The following TOP1 variants were observed in gnomAD, a reference collection of about 807,000 sequenced individuals.
TOP1 encodes the protein DNA topoisomerase 1.
Under a neutral mutation model 111.1 loss-of-function variants are expected in TOP1, and 10 were observed. The observed-to-expected ratio is 0.09, with a 90% confidence interval of 0.06 to 0.15. The LOEUF (loss-of-function observed/expected upper bound fraction) is 0.15, where lower values mean the gene tolerates loss of function less well. Ranked by LOEUF, TOP1 falls within the 10% of genes least tolerant of loss-of-function variation. TOP1 has a pLI of 1.00. For synonymous variants in TOP1, 271 were observed against 302.9 expected, an observed-to-expected ratio of 0.89 and a Z score of 1.10; for missense variants, 474 against 926.7, an observed-to-expected ratio of 0.51 and a Z score of 6.34.
intron 4 of TOP1, among the ~76,000 whole-genome samples, chr20:41,076,722 A>G (rs2033731733): frequency 6.6e-6 from 1 of 152,224 alleles, no homozygotes; most frequent in Non-Finnish European, 1.5e-5. Context: ...CTGAGAATGA[A>G]TAGTACTCTG....
At position 41,034,747 on chromosome 20, in the gene TOP1, G is replaced by A. The variant is rs183356312; in HGVS notation, c.58+5292G>A. ...TGCATATCTCTGGAGTATATAGATC[G>A]TAATATCAACTTTGGCTATCTGTAT... On this transcript the variant is annotated intron_variant, in intron 2 of 20. Coordinates refer to ENST00000361337, the MANE Select transcript of TOP1 (RefSeq NM_003286.4). The surrounding 1 kb of genome is among the most constrained non-coding windows in gnomAD (Gnocchi z 4.0). Among the ~76,000 whole-genome samples the A allele has an allele frequency of 1.5e-4, 23 of 152,250 alleles. No individual in the cohort carries two copies. The highest frequency in any genetic ancestry group is 7.8e-4 in the Admixed American group (12 of 15,304).
intron 6 of TOP1, 135 bp from the exon 7 acceptor site, chr20:41,081,030 G>T: frequency 1.5e-6 from 1 of 662,730 alleles, no homozygotes; most frequent in Non-Finnish European, 2.4e-6. Context: ...TGTTAGTCTT[G>T]ACCGTAGAAT....
Position 41,082,565 on chromosome 20 carries a change from G to C in TOP1, c.507+1325G>C, listed in dbSNP as rs2033800676. Among the ~76,000 whole-genome samples, 1 of 152,204 alleles carries C rather than the reference G, an allele frequency of 6.6e-6. No individual in the cohort carries two copies. The highest frequency in any genetic ancestry group is 1.5e-5 in the Non-Finnish European group (1 of 68,028). ...CTTTGCTGATGCTCTAATTCTGCAA[G>C]GAGGGAGAAGAAAGGTCTTTAATGA... is the stretch of plus-strand genomic sequence containing the variant. On this transcript the variant is annotated intron_variant, in intron 7 of 20. Coordinates refer to ENST00000361337, the MANE Select transcript of TOP1 (RefSeq NM_003286.4). This position sits in a 1 kb window ranked among gnomAD's most constrained non-coding sequence, Gnocchi z 4.1.
rs59200685 is a variant in TOP1, at chr20:41,089,020, C to CTTTT, written c.615-3433_615-3430dup. Among the ~76,000 whole-genome samples the CTTTT allele has an allele frequency of 9.6e-4, 75 of 77,894 alleles. 10 individuals are homozygous for CTTTT. Among genetic ancestry groups the CTTTT allele is most frequent in the African/African-American group, 2.0e-3 (31 of 15,820 alleles). The allele number at this position is 77,894 out of a possible 152,430, so 51.1% of individuals were successfully genotyped here. ...TCCCCACTTCTCTGTTGCCCCAGTT[C>CTTTT]TTTTTTTTTTTTTTTTTTTTTTGAG... On this transcript the variant is annotated intron_variant, in intron 8 of 20. Transcript: ENST00000361337.
Position 41,098,329 on chromosome 20 carries a change from G to A in TOP1, c.967G>A (p.Glu323Lys), listed in dbSNP as rs780523652. The A allele has an allele frequency of 6.2e-7, 1 of 1,613,592 alleles. No homozygotes were observed. Among genetic ancestry groups the A allele is most frequent in the Admixed American group, 1.7e-5 (1 of 59,916 alleles). Residue 323 changes from glutamate to lysine, a missense_variant, in exon 11 of 21, where the codon GAG becomes AAG. Glu to Lys is a moderately conservative substitution (Grantham distance 56, BLOSUM62 1). This residue lies in a region of TOP1 where 84 missense variants were observed against 119.2 expected (regional missense o/e 0.70). Transcript: ENST00000361337. This position sits in a 1 kb window ranked among gnomAD's most constrained non-coding sequence, Gnocchi z 5.7. The stretch of plus-strand genomic sequence containing the variant: ...AGCTCGGAAACAGATGAGCAAGGAA[G>A]AGAAACTGGTACTACAGAATTTATT... Reference protein sequence around the residue: ...TEARKQMSKEEKLKIKEENEK... With the variant: ...TEARKQMSKEKKLKIKEENEK...
chr20:41,066,288 AATCCTC>A (rs765015527), intron 3 of TOP1, among the ~76,000 whole-genome samples: 3 of 151,892 alleles, frequency 2.0e-5, no homozygotes, highest in Non-Finnish European at 4.4e-5. Context: ...TTTTAGAAGA[AATCCTC>A]ATCCTTGTAC....
Position 41,092,365 on chromosome 20 carries a change from C to T in TOP1, c.615-107C>T. On this transcript the variant is annotated intron_variant, in intron 8 of 20. Transcript: ENST00000361337. This position sits in a 1 kb window ranked among gnomAD's most constrained non-coding sequence, Gnocchi z 4.3. ...TTGAATGTGAGGCCCAGAAGTCATT[C>T]CAGAGCACTAATCAGTTGAGCGGAT... 1.9e-6 allele frequency: 1 copy of T among 532,896 alleles called. No homozygotes were observed. Among genetic ancestry groups the T allele is most frequent in the Non-Finnish European group, 3.4e-6 (1 of 298,254 alleles). The allele number at this position is 532,896 out of a possible 1,614,324, so 33.0% of individuals were successfully genotyped here. A position where few individuals can be genotyped will look rare whatever the true frequency, so the allele number is the denominator to read the frequency against.
chr20:41,121,970 C>T lies in TOP1; in HGVS notation c.2046-36C>T, dbSNP rs374166961. Reference sequence around the variant, plus strand: ...GTACAGTGTGCTCTTGTCTAGAGCCCAGGCCTGGTTCTTGAGGACTTTGCT... The same window carrying T: ...GTACAGTGTGCTCTTGTCTAGAGCCTAGGCCTGGTTCTTGAGGACTTTGCT... On this transcript the variant is annotated intron_variant, in intron 19 of 20. Coordinates refer to ENST00000361337, the MANE Select transcript of TOP1 (RefSeq NM_003286.4). This position sits in a 1 kb window ranked among gnomAD's most constrained non-coding sequence, Gnocchi z 4.2. 2 of 1,611,926 alleles carry T rather than the reference C, an allele frequency of 1.2e-6. No homozygotes were observed. The highest frequency in any genetic ancestry group is 1.7e-6 in the Non-Finnish European group (2 of 1,179,022).
intron 2 of TOP1, among the ~76,000 whole-genome samples, chr20:41,035,471 G>T (rs1327894580): frequency 1.3e-5 from 2 of 152,168 alleles, no homozygotes; most frequent in African/African-American, 2.4e-5. Context: ...TCCAACAAAA[G>T]ATGTTAAAGC....
chr20:41,107,344 T>C (rs570286688), intron 13 of TOP1, among the ~76,000 whole-genome samples: 1 of 152,352 alleles, frequency 6.6e-6, no homozygotes, highest in South Asian at 2.1e-4. Context: ...AGATGAGTGT[T>C]GACACTTTTC....
rs376969561 is a variant in TOP1 at position 41,080,064 on chromosome 20, A to G, written c.336-21A>G. ...ATACAGATGTTCTAGCACTCTGACC[A>G]GCAATTTTTTTTCTCTTTAGTCCAC... is the stretch of plus-strand genomic sequence containing the variant. On this transcript the variant is annotated intron_variant, in intron 5 of 20. Coordinates refer to ENST00000361337, the MANE Select transcript of TOP1 (RefSeq NM_003286.4). This position sits in a 1 kb window ranked among gnomAD's most constrained non-coding sequence, Gnocchi z 5.0. The G allele has an allele frequency of 6.8e-7, 1 of 1,480,992 alleles. No homozygotes were observed. Among genetic ancestry groups the G allele is most frequent in the Non-Finnish European group, 9.4e-7 (1 of 1,065,254 alleles). 91.7% of individuals were successfully genotyped at this position (1,480,992 alleles called of 1,614,324 possible).
In TOP1 at chr20:41,081,279, G is replaced by T. The variant is rs1014595219; in HGVS notation, c.507+39G>T. 2.6e-6 allele frequency: 4 copies of T among 1,561,396 alleles called. No homozygotes were observed. The African/African-American group carries it at 5.6e-5, about 22-fold the overall frequency. On this transcript the variant is annotated intron_variant, in intron 7 of 20. Coordinates refer to ENST00000361337, the MANE Select transcript of TOP1 (RefSeq NM_003286.4). ...CTTAGGTCCTTTGGGGCTTGAGTTT[G>T]GAAGTGGGAGTTTTCCAGTAAGCAA...
At position 41,097,144 on chromosome 20, in the gene TOP1, A is replaced by T; in HGVS notation, c.731-76A>T. ...GAGAAGGCAAACCATTATTAAAGAG[A>T]ATTCGCTAGCCCTGGGTATTTATGC... On this transcript the variant is annotated intron_variant, in intron 9 of 20. Transcript: ENST00000361337. The surrounding 1 kb of genome is among the most constrained non-coding windows in gnomAD (Gnocchi z 4.2). 1 of 1,524,548 alleles carries T rather than the reference A, an allele frequency of 6.6e-7. No homozygotes were observed. The highest frequency in any genetic ancestry group is 8.9e-7 in the Non-Finnish European group (1 of 1,128,584). The allele number at this position is 1,524,548 out of a possible 1,614,324, so 94.4% of individuals were successfully genotyped here.
chr20:41,121,231 C>T lies in TOP1; in HGVS notation c.1951-465C>T, dbSNP rs774400199. On this transcript the variant is annotated intron_variant, in intron 18 of 20. Transcript: ENST00000361337. The surrounding 1 kb of genome is among the most constrained non-coding windows in gnomAD (Gnocchi z 4.2). ...CGCCTTCCCAGAGTACTGGTGGGAT[C>T]TGAGGAACGAGCTGGGGTTGCCCAG... is the stretch of plus-strand genomic sequence containing the variant. 1.3e-5 allele frequency among the ~76,000 whole-genome samples: 2 copies of T among 152,286 alleles called. No individual in the cohort carries two copies. Among genetic ancestry groups the T allele is most frequent in the African/African-American group, 4.8e-5 (2 of 41,560 alleles).
At chr20:41,073,324 C>G in intron 3 of TOP1, 1 of 982,944 alleles carries the variant, frequency 1.0e-6, no homozygotes, top group Non-Finnish European at 1.2e-6. Flanking sequence ...TGGAGTGTTC[C>G]TGAATTCAGA....
intron 8 of TOP1, among the ~76,000 whole-genome samples, chr20:41,088,827 A>G (rs1448959429): frequency 6.6e-6 from 1 of 152,046 alleles, no homozygotes; most frequent in Non-Finnish European, 1.5e-5. Context: ...GATTCTGTTA[A>G]ATATTTTTGT....
intron 5 of TOP1, 130 bp downstream of exon 5, chr20:41,077,767 A>G: frequency 2.5e-6 from 2 of 789,734 alleles, no homozygotes; most frequent in South Asian, 3.4e-5. Flanking sequence ...CCAGAAGCTC[A>G]GCAGTGAGAA....
chr20:41,068,598 G>T (rs189633698), intron 3 of TOP1, among the ~76,000 whole-genome samples: 69 of 152,224 alleles, frequency 4.5e-4, no homozygotes, highest in Admixed American at 4.1e-3. Flanking sequence ...AGAGATGGCG[G>T]TCTTGCTATG....
chr20:41,058,267 T>A lies in TOP1; in HGVS notation c.59-3127T>A, dbSNP rs910422128. On this transcript the variant is annotated intron_variant, in intron 2 of 20. Coordinates refer to ENST00000361337, the MANE Select transcript of TOP1 (RefSeq NM_003286.4). This position sits in a 1 kb window ranked among gnomAD's most constrained non-coding sequence, Gnocchi z 4.2. The stretch of plus-strand genomic sequence containing the variant: ...CATTGCCTATGCATTATTAATTGAT[T>A]GCTATAAAACATGTTGCCTCAAAAT... Among the ~76,000 whole-genome samples the A allele has an allele frequency of 6.6e-6, 1 of 152,250 alleles. No individual in the cohort carries two copies. Among genetic ancestry groups the A allele is most frequent in the Non-Finnish European group, 1.5e-5 (1 of 68,048 alleles).
Sources: gnomAD v4.1 joint callset for allele counts (sites outside exome capture counted in the v4.1 genomes callset) on GRCh38, gnomAD v4.1.1 for gene constraint, gnomAD v4.1.1 regional missense constraint, Gnocchi (gnomAD v3.1) non-coding constraint, MANE v1.5 for transcripts, NCBI Gene and HGNC (gene_info 2026-07-23, HGNC 2026-07-21) for gene names.